HCN1: variants seen among roughly 807,000 people sequenced by gnomAD.
HCN1 encodes the protein hyperpolarization activated cyclic nucleotide gated potassium channel 1.
A neutral mutation model predicts 78.9 loss-of-function variants in HCN1; 13 were observed. The observed-to-expected ratio is 0.16, with a 90% confidence interval of 0.11 to 0.26. The LOEUF (loss-of-function observed/expected upper bound fraction) is 0.26. Among genes scored for constraint, HCN1 ranks in the 10% least tolerant of loss-of-function variants. HCN1 has a pLI of 1.00. For synonymous variants in HCN1, 552 were observed against 455.5 expected (o/e 1.21, Z -2.70); for missense variants, 810 against 1,154.3 (o/e 0.70, Z 4.32).
intron 3 of HCN1, among the ~76,000 whole-genome samples, chr5:45,408,364 A>T (rs1404267906): frequency 6.6e-6 from 1 of 151,982 alleles, no homozygotes; most frequent in Non-Finnish European, 1.5e-5. Context: ...ATACCCTTTT[A>T]TTTTTTATAC....
chr5:45,344,333 C>A (rs1746652284), intron 5 of HCN1, among the ~76,000 whole-genome samples: 1 of 152,062 alleles, frequency 6.6e-6, no homozygotes, highest in South Asian at 2.1e-4. Flanking sequence ...CAGAGCCAAA[C>A]CATATCATTC....
chr5:45,515,060 G>T (rs1362860055), intron 2 of HCN1, among the ~76,000 whole-genome samples: 1 of 151,728 alleles, frequency 6.6e-6, no homozygotes, highest in Non-Finnish European at 1.5e-5. Context: ...TATACAACTA[G>T]ATGTATGCCT....
rs187458697 is a variant in HCN1, at chr5:45,305,044, C to T, written c.1378-1205G>A. 6.7e-4 allele frequency among the ~76,000 whole-genome samples: 102 copies of T among 152,188 alleles called. 1 individual carries two copies. In the East Asian group the frequency reaches 0.012, roughly 18 times the overall value. Reference sequence around the variant, plus strand: ...CAGAAATTTCCTTACCAATTAGTTACCCCAAAAAAGGTTGGGACTGCATTT... The same window carrying T: ...CAGAAATTTCCTTACCAATTAGTTATCCCAAAAAAGGTTGGGACTGCATTT... On this transcript the variant is annotated intron_variant, in intron 5 of 7. Coordinates refer to ENST00000303230, the MANE Select transcript of HCN1 (RefSeq NM_021072.4).
intron 3 of HCN1, among the ~76,000 whole-genome samples, chr5:45,426,102 T>G (rs1000280874): frequency 6.6e-6 from 1 of 152,190 alleles, no homozygotes; most frequent in Non-Finnish European, 1.5e-5. Flanking sequence ...CATCTTTCTC[T>G]GTAGTTAATT....
At chr5:45,684,662 A>T (rs189746232) in intron 1 of HCN1, among the ~76,000 whole-genome samples, 1 of 152,318 alleles carries the variant, frequency 6.6e-6, no homozygotes, top group East Asian at 1.9e-4. Flanking sequence ...GGAGCTCAAG[A>T]CCAGCCTGAC....
At chr5:45,683,029 T>A (rs1202082932) in intron 1 of HCN1, among the ~76,000 whole-genome samples, 2 of 152,074 alleles carry the variant, frequency 1.3e-5, no homozygotes, top group African/African-American at 4.8e-5. Flanking sequence ...TTTAGTGTCA[T>A]ATGGTGGCAA....
chr5:45,336,708 T>G (rs188003255), intron 5 of HCN1, among the ~76,000 whole-genome samples: 1 of 152,124 alleles, frequency 6.6e-6, no homozygotes, highest in African/African-American at 2.4e-5. Context: ...AAATTATTTC[T>G]CACAGTTCTG....
intron 3 of HCN1, among the ~76,000 whole-genome samples, chr5:45,445,283 C>T (rs1036558756): frequency 6.6e-6 from 1 of 152,186 alleles, no homozygotes; most frequent in African/African-American, 2.4e-5. Flanking sequence ...TCACTGATTG[C>T]TAGCACAGCA....
At chr5:45,404,913 A>T (rs1031915186) in intron 3 of HCN1, among the ~76,000 whole-genome samples, 1 of 151,886 alleles carries the variant, frequency 6.6e-6, no homozygotes, top group African/African-American at 2.4e-5. Context: ...ATCAGAATTA[A>T]TTTTTCTTTA....
At chr5:45,660,432 G>A (rs925143884) in intron 1 of HCN1, among the ~76,000 whole-genome samples, 1 of 127,586 alleles carries the variant, frequency 7.8e-6, no homozygotes, top group East Asian at 2.3e-4. Context: ...CATAATGACA[G>A]GATCAAATTC....
intron 5 of HCN1, among the ~76,000 whole-genome samples, chr5:45,342,224 C>T (rs1430856947): frequency 6.6e-6 from 1 of 150,892 alleles, no homozygotes; most frequent in Non-Finnish European, 1.5e-5. Flanking sequence ...GAAATCTTTT[C>T]ATATATTTCT....
At chr5:45,688,755 A>G (rs1268866233) in intron 1 of HCN1, among the ~76,000 whole-genome samples, 1 of 152,154 alleles carries the variant, frequency 6.6e-6, no homozygotes, top group East Asian at 1.9e-4. Context: ...TGATAAATGA[A>G]TAAATTAAAG....
intron 2 of HCN1, among the ~76,000 whole-genome samples, chr5:45,505,114 C>A (rs1045049698): frequency 2.0e-5 from 3 of 151,854 alleles, no homozygotes; most frequent in African/African-American, 7.3e-5. Context: ...AATTAGATTC[C>A]GTTTGTCAAT....
intron 2 of HCN1, among the ~76,000 whole-genome samples, chr5:45,511,450 C>T (rs935369444): frequency 2.6e-5 from 4 of 151,968 alleles, no homozygotes; most frequent in African/African-American, 9.7e-5. Context: ...CTGAGAAACA[C>T]ACCCTCAGCC....
intron 1 of HCN1, among the ~76,000 whole-genome samples, chr5:45,657,186 T>A (rs1044966424): frequency 2.0e-5 from 3 of 152,136 alleles, no homozygotes; most frequent in African/African-American, 4.8e-5. Context: ...TTCACACCAA[T>A]CCTACAGCAT....
intron 6 of HCN1, among the ~76,000 whole-genome samples, chr5:45,287,231 C>T (rs1303571577): frequency 1.3e-5 from 2 of 151,822 alleles, no homozygotes; most frequent in South Asian, 2.1e-4. Context: ...GTAGGAAGAG[C>T]GGTTACCTGT....
intron 2 of HCN1, among the ~76,000 whole-genome samples, chr5:45,588,630 CTT>C (rs1404842051): frequency 1.3e-5 from 2 of 152,146 alleles, no homozygotes; most frequent in African/African-American, 4.8e-5. Context: ...TTTACAAACT[CTT>C]TATCTTTTAA....
At chr5:45,393,535 A>G (rs1291182497) in intron 4 of HCN1, among the ~76,000 whole-genome samples, 1 of 152,234 alleles carries the variant, frequency 6.6e-6, no homozygotes. Context: ...TTGTCTTTAT[A>G]GGTTAATTCC....
At position 45,280,479 on chromosome 5, in the gene HCN1, A is replaced by AT. The variant is rs1161186596; in HGVS notation, c.1619-13227dup. ...CCCTACTGACATTTTGGGCCAGATA[A>AT]TTTTTTGGTGTCTGGAGTTGTCCTG... On this transcript the variant is annotated intron_variant, in intron 6 of 7. Coordinates refer to ENST00000303230, the MANE Select transcript of HCN1 (RefSeq NM_021072.4). Among the ~76,000 whole-genome samples, 9 of 152,204 alleles carry AT rather than the reference A, an allele frequency of 5.9e-5. No homozygotes were observed. The East Asian group carries it at 1.7e-3, about 29-fold the overall frequency.
Sources: gnomAD v4.1 joint callset for allele counts (sites outside exome capture counted in the v4.1 genomes callset) on GRCh38, gnomAD v4.1.1 for gene constraint, MANE v1.5 for transcripts, NCBI Gene and HGNC (gene_info 2026-07-23, HGNC 2026-07-21) for gene names.